Variants in PRKCB observed in about 807,000 individuals in gnomAD.
The protein encoded by PRKCB is protein kinase C beta.
PRKCB carries 13 observed loss-of-function variants against 81.5 expected under a neutral mutation model. The ratio of observed to expected loss-of-function variants is 0.16; its 90% confidence interval spans 0.10 to 0.25. PRKCB has a LOEUF of 0.25. Ranked by LOEUF, PRKCB falls within the 10% of genes least tolerant of loss-of-function variation. The pLI is 1.00. For synonymous variants in PRKCB, 335 were observed against 321.4 expected (o/e 1.04, Z -0.45); for missense variants, 509 against 875.7 (o/e 0.58, Z 5.29).
intron 7 of PRKCB, among the ~76,000 whole-genome samples, chr16:24,100,675 G>C (rs1028887165): frequency 6.6e-6 from 1 of 152,198 alleles, no homozygotes; most frequent in Non-Finnish European, 1.5e-5. Context: ...AAAGGGAGGG[G>C]CTTCTCCTAC....
At chr16:24,024,128 G>A (rs115675283) in intron 3 of PRKCB, among the ~76,000 whole-genome samples, 58 of 152,268 alleles carry the variant, frequency 3.8e-4, no homozygotes, top group African/African-American at 1.3e-3. Context: ...TCCTCAGAGC[G>A]CACCATAAAA....
chr16:23,962,669 A>G (rs1596488964), intron 2 of PRKCB, among the ~76,000 whole-genome samples: 1 of 151,982 alleles, frequency 6.6e-6, no homozygotes, highest in Non-Finnish European at 1.5e-5. Flanking sequence ...TGTGTAATTC[A>G]CCATTGTATC....
At chr16:24,006,854 GA>G (rs1403734358) in intron 3 of PRKCB, among the ~76,000 whole-genome samples, 5 of 152,256 alleles carry the variant, frequency 3.3e-5, no homozygotes, top group Middle Eastern at 3.4e-3. Flanking sequence ...GGAGGGGGAA[GA>G]AGGCACAGAT....
chr16:24,057,614 G>A (rs1380099028), intron 5 of PRKCB, among the ~76,000 whole-genome samples: 1 of 152,180 alleles, frequency 6.6e-6, no homozygotes, highest in African/African-American at 2.4e-5. Flanking sequence ...TATAAAAGGG[G>A]GGATTGGTGA....
intron 5 of PRKCB, among the ~76,000 whole-genome samples, chr16:24,074,151 G>T (rs1420955514): frequency 6.6e-6 from 1 of 151,918 alleles, no homozygotes; most frequent in East Asian, 1.9e-4. Context: ...AAAAAAAGAA[G>T]AGCAAGTGAT....
At chr16:24,042,266 A>C (rs775939477) in intron 5 of PRKCB, among the ~76,000 whole-genome samples, 1 of 152,144 alleles carries the variant, frequency 6.6e-6, no homozygotes, top group African/African-American at 2.4e-5. Flanking sequence ...AGGCTCTCTC[A>C]GGAGATGCCC....
At chr16:23,970,170 C>T (rs1413705130) in intron 2 of PRKCB, among the ~76,000 whole-genome samples, 3 of 152,186 alleles carry the variant, frequency 2.0e-5, no homozygotes, top group Non-Finnish European at 4.4e-5. Flanking sequence ...AGACTGCAGG[C>T]AGCTTGTGTG....
At chr16:24,170,474 C>T (rs1967425533) in intron 10 of PRKCB, among the ~76,000 whole-genome samples, 1 of 152,000 alleles carries the variant, frequency 6.6e-6, no homozygotes, top group Non-Finnish European at 1.5e-5. Flanking sequence ...AATTCGTTAG[C>T]GCAGACTCTG....
chr16:24,006,983 T>C (rs1411091432), intron 3 of PRKCB, among the ~76,000 whole-genome samples: 3 of 152,202 alleles, frequency 2.0e-5, no homozygotes, highest in African/African-American at 7.2e-5. Flanking sequence ...TGGGAATCCA[T>C]GTGTTAAAAA....
chr16:24,002,350 C>A (rs945131139), intron 3 of PRKCB, among the ~76,000 whole-genome samples: 1 of 150,346 alleles, frequency 6.7e-6, no homozygotes, highest in Non-Finnish European at 1.5e-5. Flanking sequence ...TGCGTGCGTG[C>A]GTGTGTGTGT....
rs551662476 is a variant in PRKCB, at chr16:24,208,687, C to T, written c.1864-5971C>T. Among the ~76,000 whole-genome samples, 5 of 152,058 alleles carry T rather than the reference C, an allele frequency of 3.3e-5. No homozygotes were observed. The South Asian group carries it at 8.3e-4, about 25-fold the overall frequency. ...AGAGAGGCAGGTGCAATCCATGGTG[C>T]GTTTTTAATTAGATCCCAGCCACTG... On this transcript the variant is annotated intron_variant, in intron 16 of 16. Transcript: ENST00000643927.
chr16:23,847,244 C>T (rs527273599), intron 2 of PRKCB, among the ~76,000 whole-genome samples: 1 of 152,224 alleles, frequency 6.6e-6, no homozygotes, highest in African/African-American at 2.4e-5. Flanking sequence ...AAGCTCAAAA[C>T]AGACCTGATT....
chr16:24,099,493 G>C (rs1209669129), intron 7 of PRKCB: 2 of 152,212 alleles, frequency 1.3e-5, no homozygotes, highest in Non-Finnish European at 2.9e-5. Context: ...ATTACAGTTT[G>C]GTTTTACATG....
At chr16:23,947,716 G>C (rs748822420) in intron 2 of PRKCB, among the ~76,000 whole-genome samples, 1 of 152,142 alleles carries the variant, frequency 6.6e-6, no homozygotes, top group South Asian at 2.1e-4. Context: ...ATAGTAACAG[G>C]GTGGCCCAGA....
intron 5 of PRKCB, among the ~76,000 whole-genome samples, chr16:24,042,587 T>C (rs1965714394): frequency 6.6e-6 from 1 of 152,208 alleles, no homozygotes; most frequent in Non-Finnish European, 1.5e-5. Context: ...ATCTGTCTTA[T>C]TTTTGACACA....
At chr16:24,096,936 G>A (rs866538462) in intron 7 of PRKCB, among the ~76,000 whole-genome samples, 3 of 151,116 alleles carry the variant, frequency 2.0e-5, no homozygotes, top group African/African-American at 4.9e-5. Context: ...CTGGTTTAGC[G>A]AGAAAGAGAT....
intron 5 of PRKCB, among the ~76,000 whole-genome samples, chr16:24,075,612 C>A (rs1157910964): frequency 3.0e-4 from 45 of 152,172 alleles, no homozygotes; most frequent in Admixed American, 2.8e-3. Context: ...GTTTAAGCAA[C>A]TCTTAAACAA....
intron 7 of PRKCB, among the ~76,000 whole-genome samples, chr16:24,109,006 A>G (rs1044065426): frequency 7.1e-6 from 1 of 141,746 alleles, no homozygotes; most frequent in Non-Finnish European, 1.5e-5. Flanking sequence ...TCCCTCCCGG[A>G]CGGGGCGGCT....
intron 2 of PRKCB, among the ~76,000 whole-genome samples, chr16:23,903,371 G>A (rs1461166554): frequency 6.6e-6 from 1 of 151,856 alleles, no homozygotes; most frequent in African/African-American, 2.4e-5. Context: ...GGTCTGCTCC[G>A]TACATCTGGG....
Sources: gnomAD v4.1 joint callset for allele counts (sites outside exome capture counted in the v4.1 genomes callset) on GRCh38, gnomAD v4.1.1 for gene constraint, MANE v1.5 for transcripts, NCBI Gene and HGNC (gene_info 2026-07-23, HGNC 2026-07-21) for gene names.